Variants in CD47 observed in about 807,000 individuals in gnomAD.
CD47 encodes leukocyte surface antigen CD47.
A neutral mutation model predicts 44.6 loss-of-function variants in CD47; 11 were observed. The ratio of observed to expected loss-of-function variants is 0.25; its 90% CI spans 0.16 to 0.41. CD47 has a LOEUF of 0.41. Ranked by LOEUF, CD47 falls within the 10% of genes least tolerant of loss-of-function variation. The probability of loss-of-function intolerance (pLI) is 1.00; values close to 1 mark genes in which losing one functional copy is unlikely to be tolerated. For missense variants in CD47, 306 were observed against 386.7 expected (o/e 0.79, Z 1.75); for synonymous variants, 140 against 136.3 (o/e 1.03, Z -0.19).
intron 1 of CD47, among the ~76,000 whole-genome samples, chr3:108,088,638 C>T (rs327133): frequency 0.33 from 49,316 of 151,214 alleles, 9,041 homozygotes; most frequent in Non-Finnish European, 0.42. Flanking sequence ...AAAAAAACAA[C>T]TCATTTTGAA....
intron 7 of CD47, chr3:108,052,458 A>G (rs1317767156): frequency 6.4e-6 from 1 of 156,570 alleles, no homozygotes; most frequent in Non-Finnish European, 1.4e-5. Flanking sequence ...AGCTCCAAAG[A>G]GCTAACAAAC....
intron 10 of CD47, among the ~76,000 whole-genome samples, chr3:108,049,000 A>G (rs1379806705): frequency 6.6e-6 from 1 of 152,192 alleles, no homozygotes; most frequent in Admixed American, 6.5e-5. Flanking sequence ...ATCTTTAAGA[A>G]CAAATATATT....
rs747914491 is a variant in CD47 at position 108,090,881 on chromosome 3, G to A, written c.28C>T (p.Leu10=). 17 of 1,491,850 alleles carry A rather than the reference G, an allele frequency of 1.1e-5. No individual in the cohort carries two copies. The African/African-American group carries it at 2.5e-4, about 22-fold the overall frequency. The allele number at this position is 1,491,850 out of a possible 1,614,324, so 92.4% of individuals were successfully genotyped here. A position where few individuals can be genotyped will look rare whatever the true frequency, so the allele number is the denominator to read the frequency against. MWPLVAALL[L]GSACCGSAQL... ...CACTCACCGCAGCACGCCGAGCCCA[G>A]CAACAGCGCCGCTACCAGGGGCCAC... Residue 10 remains leucine (L), a synonymous_variant, in exon 1 of 11, where the codon CTG becomes TTG. Transcript: ENST00000361309.
intron 3 of CD47, among the ~76,000 whole-genome samples, chr3:108,065,148 T>C (rs1454796975): frequency 6.6e-6 from 1 of 152,232 alleles, no homozygotes; most frequent in East Asian, 1.9e-4. Context: ...AACAATTTTG[T>C]CACAATGAAT....
chr3:108,051,743 C>A, intron 8 of CD47, 196 bp downstream of exon 8: 2 of 670,956 alleles, frequency 3.0e-6, no homozygotes, highest in South Asian at 2.7e-5. Context: ...TTTATTCCAT[C>A]CCATTGACAC....
chr3:108,089,388 G>A (rs1460077344), intron 1 of CD47, among the ~76,000 whole-genome samples: 1 of 152,108 alleles, frequency 6.6e-6, no homozygotes, highest in Non-Finnish European at 1.5e-5. Context: ...CATTCCAACA[G>A]TTCTAAACTA....
intron 2 of CD47, among the ~76,000 whole-genome samples, chr3:108,072,298 C>G (rs1045029074): frequency 2.0e-5 from 3 of 152,180 alleles, no homozygotes; most frequent in African/African-American, 7.2e-5. Flanking sequence ...TTCTACCACG[C>G]ACTATCTCTC....
intron 5 of CD47, among the ~76,000 whole-genome samples, 188 bp from the exon 6 acceptor site, chr3:108,058,617 C>T (rs149366479): frequency 5.9e-5 from 9 of 152,330 alleles, no homozygotes; most frequent in African/African-American, 1.4e-4. Flanking sequence ...CAAATTCACA[C>T]ATTCGGCAGC....
intron 2 of CD47, among the ~76,000 whole-genome samples, chr3:108,077,977 T>A (rs757956969): frequency 1.3e-5 from 2 of 152,022 alleles, no homozygotes; most frequent in African/African-American, 2.4e-5. Flanking sequence ...TATGTCCTGA[T>A]TGTGTAGGTA....
intron 1 of CD47, among the ~76,000 whole-genome samples, chr3:108,080,869 T>C (rs895891113): frequency 6.6e-6 from 1 of 151,776 alleles, no homozygotes; most frequent in Non-Finnish European, 1.5e-5. Context: ...TACTTTAATA[T>C]ACAAAGTAAA....
intron 2 of CD47, among the ~76,000 whole-genome samples, chr3:108,073,998 A>T (rs1436652870): frequency 6.6e-6 from 1 of 152,200 alleles, no homozygotes; most frequent in East Asian, 1.9e-4. Context: ...AGAGGTATAA[A>T]CTTGAGAGAA....
rs1392647928 is a variant in CD47 at position 108,043,903 on chromosome 3, C to A, written c.*3385G>T. 6.6e-6 allele frequency: 1 copy of A among 152,578 alleles called. No individual in the cohort carries two copies. The highest frequency in any genetic ancestry group is 1.5e-5 in the Non-Finnish European group (1 of 68,028). The allele number at this position is 152,578 out of a possible 1,614,324, so 9.5% of individuals were successfully genotyped here. A position where few individuals can be genotyped will look rare whatever the true frequency, so the allele number is the denominator to read the frequency against. On this transcript the variant is annotated 3_prime_UTR_variant, in exon 11 of 11. Transcript: ENST00000361309. ...ATCTCTTCAAAGTTACCTGGATTAT[C>A]CCTATTAGTCACTGAAAATGACCTA...
chr3:108,059,763 T>A (rs920606489), intron 4 of CD47, among the ~76,000 whole-genome samples: 5 of 152,240 alleles, frequency 3.3e-5, no homozygotes, highest in Admixed American at 3.3e-4. Context: ...TGGCTCTGCC[T>A]CCTTCTTAAC....
intron 3 of CD47, among the ~76,000 whole-genome samples, chr3:108,061,693 G>A (rs1478597441): frequency 6.6e-6 from 1 of 152,074 alleles, no homozygotes; most frequent in African/African-American, 2.4e-5. Flanking sequence ...TTAAATTTTG[G>A]TTAATATTGA....
At chr3:108,089,097 A>C (rs915815780) in intron 1 of CD47, among the ~76,000 whole-genome samples, 1 of 152,212 alleles carries the variant, frequency 6.6e-6, no homozygotes, top group African/African-American at 2.4e-5. Context: ...TTCTTCATAC[A>C]TGTCCTTTTG....
rs770012061 is a variant in CD47, at chr3:108,054,556, T to TA, written c.878-2587_878-2586insT. The TA allele has an allele frequency of 6.6e-5, 10 of 152,174 alleles. 1 individual carries two copies. The highest frequency in any genetic ancestry group is 5.2e-4 in the Admixed American group (8 of 15,270). 9.4% of individuals were successfully genotyped at this position (152,174 alleles called of 1,614,324 possible). On this transcript the variant is annotated intron_variant, in intron 7 of 10. Transcript: ENST00000361309. ...AGACATTGACAGCCATATATATATA[T>TA]TTTTTAACCACAAGCCTTAAGCATT...
At chr3:108,082,337 T>A (rs1269636630) in intron 1 of CD47, among the ~76,000 whole-genome samples, 2 of 151,948 alleles carry the variant, frequency 1.3e-5, no homozygotes, top group Non-Finnish European at 2.9e-5. Context: ...TAAAAATAAA[T>A]CTTGTTCTGC....
intron 1 of CD47, 128 bp downstream of exon 1, chr3:108,090,734 TC>T: frequency 1.3e-6 from 1 of 764,338 alleles, no homozygotes; most frequent in Non-Finnish European, 1.8e-6. Context: ...CTTCGGGCGC[TC>T]AGGGCCCGAG....
At position 108,060,838 on chromosome 3, in the gene CD47, A is replaced by C. The variant is rs967278612; in HGVS notation, c.505T>G (p.Ser169Ala). The stretch of plus-strand genomic sequence containing the variant: ...ATTGTTTTCTCATCCATACCACCGG[A>C]TCTATATTTAAGTGCTTAAAAAAGA... ...QFGIKTLKYR[S>A]GGMDEKTIAL... is the part of the protein sequence containing the mutation. Residue 169 changes from serine (S) to alanine (A), a missense_variant, in exon 4 of 11, where the codon TCC becomes GCC. Ser to Ala is a moderately conservative substitution (Grantham distance 99). Around this residue, in one of 5 missense-constraint regions of CD47, gnomAD observed 65 missense variants for 119.9 expected, o/e 0.54. Coordinates refer to ENST00000361309, the MANE Select transcript of CD47 (RefSeq NM_001777.4). 6.2e-7 allele frequency: 1 copy of C among 1,609,378 alleles called. No individual in the cohort carries two copies. The highest frequency in any genetic ancestry group is 1.3e-5 in the African/African-American group (1 of 74,806).
Sources: gnomAD v4.1 joint callset for allele counts (sites outside exome capture counted in the v4.1 genomes callset) on GRCh38, gnomAD v4.1.1 for gene constraint, gnomAD v4.1.1 regional missense constraint, MANE v1.5 for transcripts, NCBI Gene and HGNC (gene_info 2026-07-23, HGNC 2026-07-21) for gene names.